Variants in IL1RAPL2 observed in about 807,000 individuals in gnomAD.
IL1RAPL2 encodes X-linked interleukin-1 receptor accessory protein-like 2.
In IL1RAPL2, 3 loss-of-function variants were observed where a neutral mutation model predicts 44.1. The observed-to-expected ratio is 0.07, with a 90% CI of 0.03 to 0.18. IL1RAPL2 has a LOEUF of 0.18. Among genes scored for constraint, IL1RAPL2 ranks in the 10% least tolerant of loss-of-function variants. IL1RAPL2 has a pLI of 1.00. For synonymous variants in IL1RAPL2, 181 were observed against 178.8 expected, an observed-to-expected ratio of 1.01 and a Z score of -0.10; for missense variants, 391 against 496.4, an observed-to-expected ratio of 0.79 and a Z score of 2.02.
chrX:105,142,274 A>G (rs1245396534), intron 2 of IL1RAPL2, among the ~76,000 whole-genome samples: 3 of 112,180 alleles, frequency 2.7e-5, no homozygotes, highest in African/African-American at 6.5e-5. Context: ...AAAGTACCCC[A>G]TATAACTATC....
At chrX:105,008,548 T>C (rs1336861586) in intron 2 of IL1RAPL2, among the ~76,000 whole-genome samples, 6 of 111,191 alleles carry the variant, frequency 5.4e-5, no homozygotes, top group Non-Finnish European at 1.1e-4. Flanking sequence ...TGGCTAGCCA[T>C]ATGTAGAAAG....
chrX:105,109,767 CAATA>C (rs1353751680), intron 2 of IL1RAPL2, among the ~76,000 whole-genome samples: 1 of 112,152 alleles, frequency 8.9e-6, no homozygotes, highest in Non-Finnish European at 1.9e-5. Flanking sequence ...AATTATATCT[CAATA>C]AAGCTGTTAA....
At chrX:105,356,724 A>G (rs1171360928) in intron 5 of IL1RAPL2, among the ~76,000 whole-genome samples, 2 of 112,307 alleles carry the variant, frequency 1.8e-5, no homozygotes, top group Admixed American at 1.9e-4. Flanking sequence ...GTCAGAGGAC[A>G]ATGCCAAAAA....
intron 2 of IL1RAPL2, among the ~76,000 whole-genome samples, chrX:104,819,545 G>T (rs1219711609): frequency 2.7e-5 from 3 of 111,711 alleles, no homozygotes; most frequent in African/African-American, 9.8e-5. Context: ...GAAAAGATAA[G>T]GTACTTTTAT....
intron 5 of IL1RAPL2, among the ~76,000 whole-genome samples, chrX:105,396,426 A>G (rs1266923959): frequency 9.5e-6 from 1 of 105,177 alleles, no homozygotes; most frequent in Non-Finnish European, 2.0e-5. Context: ...GGTCAGGCTT[A>G]TCGATAAGGA....
At chrX:105,472,075 G>A (rs2036169282) in intron 5 of IL1RAPL2, among the ~76,000 whole-genome samples, 1 of 110,681 alleles carries the variant, frequency 9.0e-6, no homozygotes, top group African/African-American at 3.3e-5. Flanking sequence ...TGGGATGGAG[G>A]GGTGGTGGTG....
intron 2 of IL1RAPL2, among the ~76,000 whole-genome samples, chrX:104,695,585 C>T (rs769519520): frequency 2.3e-4 from 14 of 60,756 alleles, no homozygotes; most frequent in Non-Finnish European, 5.8e-4. Flanking sequence ...AGAACCATAA[C>T]ATGAGTAGTA....
intron 6 of IL1RAPL2, among the ~76,000 whole-genome samples, chrX:105,599,766 G>A (rs2037237031): frequency 9.0e-6 from 1 of 111,119 alleles, no homozygotes; most frequent in African/African-American, 3.3e-5. Flanking sequence ...GTTAAACAAG[G>A]TAATAAGTGA....
chrX:105,504,447 A>G (rs1049346211), intron 6 of IL1RAPL2, among the ~76,000 whole-genome samples: 2 of 111,794 alleles, frequency 1.8e-5, no homozygotes, highest in Non-Finnish European at 1.9e-5. Context: ...ATATTTACTC[A>G]TCATCTGGAC....
chrX:105,115,876 T>C (rs1208461419), intron 2 of IL1RAPL2, among the ~76,000 whole-genome samples: 2 of 112,924 alleles, frequency 1.8e-5, no homozygotes, highest in African/African-American at 6.4e-5. Flanking sequence ...ATGGGGGCGC[T>C]GCAGGTCCCA....
At chrX:105,689,018 A>G (rs1036826934) in intron 6 of IL1RAPL2, among the ~76,000 whole-genome samples, 20 of 112,087 alleles carry the variant, frequency 1.8e-4, no homozygotes, top group Non-Finnish European at 3.8e-4. Flanking sequence ...CTGGCTAGTC[A>G]TATGTAGAAA....
intron 2 of IL1RAPL2, among the ~76,000 whole-genome samples, chrX:105,192,038 G>A (rs2033637468): frequency 8.9e-6 from 1 of 111,993 alleles, no homozygotes; most frequent in South Asian, 3.8e-4. Context: ...GTGGATTGCA[G>A]GCTTGTGCAG....
chrX:105,593,423 T>C (rs952278839), intron 6 of IL1RAPL2, among the ~76,000 whole-genome samples: 2 of 112,004 alleles, frequency 1.8e-5, no homozygotes, highest in African/African-American at 6.5e-5. Context: ...CTGAATTCCA[T>C]GTCTGTCTTT....
At chrX:105,481,448 C>A (rs1456677000) in intron 5 of IL1RAPL2, among the ~76,000 whole-genome samples, 1 of 112,015 alleles carries the variant, frequency 8.9e-6, no homozygotes, top group Non-Finnish European at 1.9e-5. Context: ...GTCACTTCAG[C>A]AATTGATATT....
intron 2 of IL1RAPL2, among the ~76,000 whole-genome samples, chrX:104,958,273 A>G (rs1285915304): frequency 9.1e-6 from 1 of 109,303 alleles, no homozygotes; most frequent in Non-Finnish European, 1.9e-5. Context: ...CATGAGTGGT[A>G]CTAGGGAGAA....
At chrX:104,962,975 G>A (rs773847631) in intron 2 of IL1RAPL2, among the ~76,000 whole-genome samples, 4 of 111,673 alleles carry the variant, frequency 3.6e-5, no homozygotes, top group African/African-American at 9.8e-5. Flanking sequence ...GTTAGTGGTC[G>A]TCAATATTTA....
chrX:105,216,908 A>C (rs1276452195), intron 3 of IL1RAPL2, among the ~76,000 whole-genome samples: 2 of 111,975 alleles, frequency 1.8e-5, no homozygotes, highest in Non-Finnish European at 3.8e-5. Flanking sequence ...ATATGCAGAA[A>C]ACTGAAACTG....
chrX:105,741,671 G>A (rs754153864), intron 8 of IL1RAPL2, among the ~76,000 whole-genome samples: 14 of 111,286 alleles, frequency 1.3e-4, no homozygotes, highest in Non-Finnish European at 2.5e-4. Flanking sequence ...GCACCACTTC[G>A]TACTCCATTA....
intron 6 of IL1RAPL2, among the ~76,000 whole-genome samples, chrX:105,714,407 A>G (rs1227754305): frequency 8.9e-6 from 1 of 111,735 alleles, no homozygotes; most frequent in Non-Finnish European, 1.9e-5. Context: ...GGTATTTGTT[A>G]TAGCAACAAC....
Sources: gnomAD v4.1 joint callset for allele counts (sites outside exome capture counted in the v4.1 genomes callset) on GRCh38, gnomAD v4.1.1 for gene constraint, MANE v1.5 for transcripts, NCBI Gene and HGNC (gene_info 2026-07-23, HGNC 2026-07-21) for gene names.